Variants in ASXL3 observed in about 807,000 individuals in gnomAD.
ASXL3 encodes putative Polycomb group protein ASXL3.
In ASXL3, 34 loss-of-function variants were observed where a neutral mutation model predicts 170.6. That is an observed-to-expected ratio of 0.20 (90% CI 0.15 to 0.27). The LOEUF (loss-of-function observed/expected upper bound fraction) is 0.27, where lower values mean the gene tolerates loss of function less well. ASXL3 is among the 10% of genes least tolerant of loss of function. The pLI is 1.00. For synonymous variants in ASXL3, 1,002 were observed against 989.1 expected (o/e 1.01, Z -0.24); for missense variants, 2,592 against 2,695.3 (o/e 0.96, Z 0.85).
At chr18:33,650,897 T>G (rs1414747465) in intron 4 of ASXL3, among the ~76,000 whole-genome samples, 3 of 152,126 alleles carry the variant, frequency 2.0e-5, no homozygotes, top group Non-Finnish European at 4.4e-5. Context: ...ATGTATAGCT[T>G]ATTAATCTAG....
chr18:33,709,085 A>C (rs913432711), intron 8 of ASXL3, among the ~76,000 whole-genome samples: 1 of 152,198 alleles, frequency 6.6e-6, no homozygotes, highest in South Asian at 2.1e-4. Flanking sequence ...GTGTAATACA[A>C]CTGCTTGACC....
At chr18:33,600,129 CTG>C (rs1410614576) in intron 1 of ASXL3, among the ~76,000 whole-genome samples, 4 of 152,022 alleles carry the variant, frequency 2.6e-5, no homozygotes, top group Non-Finnish European at 4.4e-5. Context: ...ATTTGGGTGA[CTG>C]TGTTTGCAAA....
At chr18:33,736,031 A>G (rs183512974) in intron 10 of ASXL3, among the ~76,000 whole-genome samples, 3 of 152,298 alleles carry the variant, frequency 2.0e-5, no homozygotes, top group Admixed American at 2.0e-4. Context: ...CAACAATTCC[A>G]TAAGATGGAT....
chr18:33,657,401 C>T (rs2066101202), intron 4 of ASXL3, among the ~76,000 whole-genome samples: 1 of 152,056 alleles, frequency 6.6e-6, no homozygotes, highest in South Asian at 2.1e-4. Flanking sequence ...ATTCTGATTG[C>T]TCCTTTCTGT....
At chr18:33,732,660 G>T (rs984681776) in intron 9 of ASXL3, among the ~76,000 whole-genome samples, 1 of 152,024 alleles carries the variant, frequency 6.6e-6, no homozygotes, top group Non-Finnish European at 1.5e-5. Flanking sequence ...GTGAAGACCA[G>T]CCTAAGCAAC....
At chr18:33,711,773 G>A (rs1245061531) in intron 8 of ASXL3, among the ~76,000 whole-genome samples, 1 of 152,072 alleles carries the variant, frequency 6.6e-6, no homozygotes, top group African/African-American at 2.4e-5. Flanking sequence ...GGGCTGTATT[G>A]TCATAGCAGT....
At chr18:33,583,515 A>G (rs1485522283) in intron 1 of ASXL3, among the ~76,000 whole-genome samples, 1 of 152,200 alleles carries the variant, frequency 6.6e-6, no homozygotes, top group African/African-American at 2.4e-5. Context: ...TTGAAAGATA[A>G]AAAAGAGTTT....
chr18:33,603,791 G>T (rs552841509), intron 1 of ASXL3, among the ~76,000 whole-genome samples: 1 of 152,216 alleles, frequency 6.6e-6, no homozygotes, highest in South Asian at 2.1e-4. Flanking sequence ...AGACATCTCA[G>T]AGATTGAGTG....
chr18:33,649,962 T>C (rs566228758), intron 4 of ASXL3, among the ~76,000 whole-genome samples: 1 of 152,226 alleles, frequency 6.6e-6, no homozygotes, highest in African/African-American at 2.4e-5. Context: ...ACTCAAGAGT[T>C]GCCTGGATGA....
At chr18:33,683,336 T>G in intron 7 of ASXL3, 69 bp from the exon 8 acceptor site, 2 of 1,309,042 alleles carry the variant, frequency 1.5e-6, no homozygotes, top group Non-Finnish European at 2.1e-6. Context: ...GTGGCTGTGT[T>G]TGTGTGTACG....
Position 33,739,328 on chromosome 18 carries a change from C to A in ASXL3, c.1924C>A (p.Pro642Thr). 6.2e-7 allele frequency: 1 copy of A among 1,613,482 alleles called. No individual in the cohort carries two copies. The highest frequency in any genetic ancestry group is 2.2e-5 in the East Asian group (1 of 44,872). ...TQSTSEESCTPASLETTFCSE... is the reference protein window; with the variant it reads ...TQSTSEESCTTASLETTFCSE... ...GTCCACATCAGAAGAATCATGTACT[C>A]CAGCCTCCCTTGAGACAACATTTTG... The change falls in exon 11 of 12, where the codon CCA becomes ACA. Residue 642 changes from proline to threonine, a missense_variant. Pro to Thr is a conservative substitution (Grantham distance 38). Around this residue, in one of 4 missense-constraint regions of ASXL3, gnomAD observed 2,246 missense variants for 2,219.6 expected, o/e 1.01. Coordinates refer to ENST00000269197, the MANE Select transcript of ASXL3 (RefSeq NM_030632.3).
chr18:33,634,221 G>A (rs2065731290), intron 2 of ASXL3, among the ~76,000 whole-genome samples: 1 of 151,790 alleles, frequency 6.6e-6, no homozygotes, highest in Admixed American at 6.6e-5. Context: ...CACATTGTGA[G>A]GAAGAAAATA....
chr18:33,646,255 C>G lies in ASXL3; in HGVS notation c.257C>G (p.Ser86Trp). The change falls in exon 4 of 12, where the codon TCG becomes TGG. Residue 86 changes from serine to tryptophan, a missense_variant. Ser to Trp is a radical substitution (Grantham distance 177, BLOSUM62 -3). Around this residue, in one of 4 missense-constraint regions of ASXL3, gnomAD observed 251 missense variants for 281.9 expected, o/e 0.89. Coordinates refer to ENST00000269197, the MANE Select transcript of ASXL3 (RefSeq NM_030632.3). ...SGLYALKKEE[S>W]SCPADGTLDL... ...TTCAAAATAATACAGAAAGAGGAGT[C>G]GTCATGCCCAGCAGATGGCACGTTG... 6.2e-7 allele frequency: 1 copy of G among 1,610,334 alleles called. No individual in the cohort carries two copies. The highest frequency in any genetic ancestry group is 8.5e-7 in the Non-Finnish European group (1 of 1,177,596).
chr18:33,657,247 G>C (rs2066098659), intron 4 of ASXL3, among the ~76,000 whole-genome samples: 1 of 152,120 alleles, frequency 6.6e-6, no homozygotes. Flanking sequence ...ATATTTGGAG[G>C]AGGGACAATC....
At chr18:33,635,719 A>T (rs2065753284) in intron 2 of ASXL3, among the ~76,000 whole-genome samples, 1 of 152,206 alleles carries the variant, frequency 6.6e-6, no homozygotes, top group South Asian at 2.1e-4. Flanking sequence ...AAAAGAAAAG[A>T]ATGCAGGGTA....
At chr18:33,689,751 T>C (rs1165721453) in intron 8 of ASXL3, among the ~76,000 whole-genome samples, 1 of 152,226 alleles carries the variant, frequency 6.6e-6, no homozygotes, top group African/African-American at 2.4e-5. Context: ...GCTTTTCCAG[T>C]GTAAACTTGC....
At chr18:33,712,962 T>C (rs1431709068) in intron 8 of ASXL3, among the ~76,000 whole-genome samples, 1 of 152,142 alleles carries the variant, frequency 6.6e-6, no homozygotes, top group Non-Finnish European at 1.5e-5. Flanking sequence ...ATTGCACTCC[T>C]TCTCAGTGGT....
At chr18:33,661,561 T>A (rs2066174048) in intron 4 of ASXL3, 55 bp from the exon 5 acceptor site, 1 of 1,516,520 alleles carries the variant, frequency 6.6e-7, no homozygotes, top group African/African-American at 1.4e-5. Context: ...GTAATTACAG[T>A]GGATATAAAA....
At chr18:33,726,698 A>G (rs1599548591) in intron 8 of ASXL3, among the ~76,000 whole-genome samples, 2 of 152,302 alleles carry the variant, frequency 1.3e-5, no homozygotes, top group East Asian at 3.9e-4. Context: ...TTATACTATT[A>G]GACAGCAGTA....
Sources: allele counts gnomAD v4.1 joint callset (sites outside exome capture counted in the v4.1 genomes callset), GRCh38; gene constraint gnomAD v4.1.1; regional missense constraint gnomAD v4.1.1; transcripts MANE v1.5; gene names NCBI Gene and HGNC (gene_info 2026-07-23, HGNC 2026-07-21).